Variants in CHRM3 observed in about 807,000 individuals in gnomAD.
The protein encoded by CHRM3 is muscarinic acetylcholine receptor M3.
In CHRM3, 11 loss-of-function variants were observed where a neutral mutation model predicts 41.8. The observed-to-expected ratio is 0.26, with a 90% CI of 0.17 to 0.44. The LOEUF is 0.44. Among genes scored for constraint, CHRM3 ranks in the 20% least tolerant of loss-of-function variants. The probability of loss-of-function intolerance (pLI) is 1.00; values close to 1 mark genes in which losing one functional copy is unlikely to be tolerated. For missense variants in CHRM3, 571 were observed against 745.4 expected, an observed-to-expected ratio of 0.77 and a Z score of 2.72; for synonymous variants, 297 against 301.4, an observed-to-expected ratio of 0.99 and a Z score of 0.15.
intron 5 of CHRM3, among the ~76,000 whole-genome samples, chr1:239,797,407 TA>T (rs61348691): frequency 0.091 from 13,082 of 143,238 alleles, 915 homozygotes; most frequent in African/African-American, 0.2. Context: ...ACTCATTCTT[TA>T]AAAAAAAAAA....
intron 5 of CHRM3, among the ~76,000 whole-genome samples, chr1:239,700,300 G>A (rs188740498): frequency 5.3e-4 from 80 of 152,164 alleles, no homozygotes; most frequent in African/African-American, 1.6e-3. Context: ...ATGCCATTCC[G>A]TCTATAACAT....
At position 239,609,011 on chromosome 1, in the gene CHRM3, A is replaced by G. The variant is rs556353620; in HGVS notation, c.-312-23213A>G. On this transcript the variant is annotated intron_variant, in intron 3 of 6. Coordinates refer to ENST00000676153, the MANE Select transcript of CHRM3 (RefSeq NM_001375978.1). ...TGATATACTATATACTGCACATATT[A>G]AAGTGTACAATTTGAAGTTTTGACA... 3.3e-5 allele frequency among the ~76,000 whole-genome samples: 5 copies of G among 152,320 alleles called. 1 individual carries two copies. The highest frequency in any genetic ancestry group is 2.9e-5 in the Non-Finnish European group (2 of 68,024).
chr1:239,858,523 A>T (rs1675308571), intron 6 of CHRM3, among the ~76,000 whole-genome samples: 1 of 151,012 alleles, frequency 6.6e-6, no homozygotes, highest in African/African-American at 2.4e-5. Context: ...TTCATTTGGA[A>T]AAAAAAAAAA....
intron 5 of CHRM3, among the ~76,000 whole-genome samples, chr1:239,745,396 G>A (rs971178168): frequency 1.3e-5 from 2 of 151,906 alleles, no homozygotes; most frequent in African/African-American, 4.8e-5. Flanking sequence ...CACGCGGTAT[G>A]CAAGTCAAAA....
In CHRM3 at chr1:239,578,710, T is replaced by C. The variant is rs6694756; in HGVS notation, c.-313+32961T>C. On this transcript the variant is annotated intron_variant, in intron 3 of 6. Transcript: ENST00000676153. ...CCATTAATTGCTATCTTTTTCAGCATTTCCCATGCTTGAACGAATGTCAAA... is the reference window on the plus strand; with the variant it reads ...CCATTAATTGCTATCTTTTTCAGCACTTCCCATGCTTGAACGAATGTCAAA... 8.1e-3 allele frequency among the ~76,000 whole-genome samples: 1,226 copies of C among 152,294 alleles called. 16 individuals carry two copies. The highest frequency in any genetic ancestry group is 0.029 in the African/African-American group (1,185 of 41,548).
intron 3 of CHRM3, among the ~76,000 whole-genome samples, chr1:239,571,818 C>T (rs1263962604): frequency 6.6e-6 from 1 of 152,170 alleles, no homozygotes; most frequent in African/African-American, 2.4e-5. Context: ...AATTTTTGTG[C>T]TAACTCATAA....
At chr1:239,493,951 C>T (rs1572492198) in intron 2 of CHRM3, among the ~76,000 whole-genome samples, 1 of 152,102 alleles carries the variant, frequency 6.6e-6, no homozygotes, top group Admixed American at 6.6e-5. Context: ...TATGAGACAG[C>T]AATCTTTTAT....
At chr1:239,793,405 A>G (rs1669502008) in intron 5 of CHRM3, among the ~76,000 whole-genome samples, 1 of 152,194 alleles carries the variant, frequency 6.6e-6, no homozygotes, top group African/African-American at 2.4e-5. Flanking sequence ...CCATGCTTTG[A>G]TTCTTTATCC....
intron 4 of CHRM3, among the ~76,000 whole-genome samples, chr1:239,661,754 G>A (rs12021900): frequency 0.097 from 14,714 of 152,058 alleles, 1,024 homozygotes; most frequent in African/African-American, 0.2. Flanking sequence ...TTATAGATTT[G>A]TCAAAATCCA....
intron 3 of CHRM3, among the ~76,000 whole-genome samples, chr1:239,580,148 C>T: frequency 6.6e-6 from 1 of 151,982 alleles, no homozygotes; most frequent in African/African-American, 2.4e-5. Flanking sequence ...TACCCTTCTT[C>T]TATCATTAAG....
At chr1:239,804,575 T>C (rs567313577) in intron 5 of CHRM3, among the ~76,000 whole-genome samples, 2 of 152,312 alleles carry the variant, frequency 1.3e-5, no homozygotes, top group East Asian at 3.9e-4. Context: ...TAAGAGAGTT[T>C]GTTTTTGCAG....
At chr1:239,776,378 T>C (rs574881082) in intron 5 of CHRM3, among the ~76,000 whole-genome samples, 15 of 152,328 alleles carry the variant, frequency 9.8e-5, no homozygotes, top group Admixed American at 3.9e-4. Flanking sequence ...GCATTAATTA[T>C]GTAAGTGTAT....
At chr1:239,600,221 C>T (rs752926136) in intron 3 of CHRM3, among the ~76,000 whole-genome samples, 13 of 152,092 alleles carry the variant, frequency 8.5e-5, no homozygotes, top group Non-Finnish European at 1.9e-4. Context: ...AGACCCACAT[C>T]ATCTCTACTG....
At chr1:239,529,477 T>C (rs769316201) in intron 2 of CHRM3, among the ~76,000 whole-genome samples, 1 of 151,836 alleles carries the variant, frequency 6.6e-6, no homozygotes, top group Non-Finnish European at 1.5e-5. Flanking sequence ...CTGGACATGG[T>C]GGCATGTGCC....
At chr1:239,694,574 A>G (rs1214789377) in intron 5 of CHRM3, among the ~76,000 whole-genome samples, 1 of 152,238 alleles carries the variant, frequency 6.6e-6, no homozygotes, top group Non-Finnish European at 1.5e-5. Context: ...TTTGGTGTAT[A>G]ACAGTAGAGA....
intron 4 of CHRM3, among the ~76,000 whole-genome samples, chr1:239,643,096 G>A (rs545712941): frequency 3.9e-5 from 6 of 152,260 alleles, no homozygotes; most frequent in Admixed American, 3.3e-4. Context: ...CGTGATCCGC[G>A]AATCCTGCTG....
At chr1:239,832,352 T>A (rs1318135632) in intron 6 of CHRM3, among the ~76,000 whole-genome samples, 1 of 152,198 alleles carries the variant, frequency 6.6e-6, no homozygotes, top group African/African-American at 2.4e-5. Context: ...TGTATTTCCA[T>A]GGCAAATTGT....
intron 5 of CHRM3, among the ~76,000 whole-genome samples, chr1:239,721,871 A>G (rs1346767256): frequency 6.6e-6 from 1 of 151,936 alleles, no homozygotes; most frequent in Admixed American, 6.6e-5. Flanking sequence ...GAAAAAATAA[A>G]TATTGCAGCA....
At chr1:239,586,910 G>T (rs1663470291) in intron 3 of CHRM3, among the ~76,000 whole-genome samples, 1 of 152,124 alleles carries the variant, frequency 6.6e-6, no homozygotes, top group East Asian at 1.9e-4. Context: ...AGCTTTAACT[G>T]TATTATTGAT....
Sources: gnomAD v4.1 joint callset for allele counts (sites outside exome capture counted in the v4.1 genomes callset) on GRCh38, gnomAD v4.1.1 for gene constraint, MANE v1.5 for transcripts, NCBI Gene and HGNC (gene_info 2026-07-23, HGNC 2026-07-21) for gene names.